Variants in RAPH1 observed in about 807,000 individuals in gnomAD.
The protein encoded by RAPH1 is Ras association (RalGDS/AF-6) and pleckstrin homology domains 1.
A neutral mutation model predicts 88.1 loss-of-function variants in RAPH1; 18 were observed. That is an observed-to-expected ratio of 0.20 (90% CI 0.14 to 0.30). The LOEUF (loss-of-function observed/expected upper bound fraction) is 0.30, where lower values mean the gene tolerates loss of function less well. Ranked by LOEUF, RAPH1 falls within the 10% of genes least tolerant of loss-of-function variation. RAPH1 has a pLI of 1.00. For synonymous variants in RAPH1, 587 were observed against 559.0 expected, an observed-to-expected ratio of 1.05 and a Z score of -0.71; for missense variants, 1,448 against 1,543.2, an observed-to-expected ratio of 0.94 and a Z score of 1.03.
In RAPH1 at chr2:203,495,290, G is replaced by T; in HGVS notation, c.64C>A (p.Gln22Lys). ...GCTCCAAACATTTTGTCCAGGTCCT[G>T]ATCTTCCTTGTCACTGTCTTCTTCA... The part of the protein sequence containing the change: ...GAEEDSDKED[Q>K]DLDKMFGAWL... The change falls in exon 2 of 14, where the codon CAG (glutamine) becomes AAG (lysine). Residue 22 changes from glutamine (Q) to lysine (K), a missense_variant. Gln to Lys is a moderately conservative substitution (Grantham distance 53, BLOSUM62 1). This residue lies in a region of RAPH1 where 513 missense variants were observed against 653.1 expected (regional missense o/e 0.79). Coordinates refer to ENST00000319170, the MANE Select transcript of RAPH1 (RefSeq NM_213589.3). 1 of 1,614,012 alleles carries T rather than the reference G, an allele frequency of 6.2e-7. No homozygotes were observed. Among genetic ancestry groups the T allele is most frequent in the Non-Finnish European group, 8.5e-7 (1 of 1,179,962 alleles).
chr2:203,479,167 T>C (rs565998366), intron 4 of RAPH1, among the ~76,000 whole-genome samples: 1 of 152,364 alleles, frequency 6.6e-6, no homozygotes, highest in Admixed American at 6.5e-5. Flanking sequence ...ATGAATTTCA[T>C]GAGTTCTTTG....
chr2:203,494,017 A>AAAAAAT (rs1581356790), intron 2 of RAPH1, among the ~76,000 whole-genome samples: 34 of 129,882 alleles, frequency 2.6e-4, no homozygotes, highest in East Asian at 8.8e-4. Flanking sequence ...AAAAAAAAAA[A>AAAAAAT]TCCCCCCAAA....
intron 4 of RAPH1, chr2:203,477,216 A>C: frequency 3.3e-6 from 4 of 1,215,872 alleles, no homozygotes; most frequent in Non-Finnish European, 4.9e-6. Flanking sequence ...GGCAGTTCTC[A>C]TTACCATGCA....
At chr2:203,494,731 C>T (rs887570735) in intron 2 of RAPH1, among the ~76,000 whole-genome samples, 53 of 151,172 alleles carry the variant, frequency 3.5e-4, no homozygotes, top group African/African-American at 1.2e-3. Flanking sequence ...ATGGCGTGAA[C>T]CCCGGAGACG....
At chr2:203,517,191 C>A (rs973549958) in intron 1 of RAPH1, among the ~76,000 whole-genome samples, 29 of 151,526 alleles carry the variant, frequency 1.9e-4, no homozygotes, top group Admixed American at 7.9e-4. Context: ...TAACACTAAT[C>A]AAAAGAAAGC....
At chr2:203,450,777 G>A (rs1018378761) in intron 10 of RAPH1, among the ~76,000 whole-genome samples, 13 of 152,168 alleles carry the variant, frequency 8.5e-5, no homozygotes, top group Non-Finnish European at 1.5e-4. Flanking sequence ...TAGATGGCTC[G>A]CAACTGTATC....
intron 4 of RAPH1, among the ~76,000 whole-genome samples, chr2:203,484,961 T>G (rs763722231): frequency 6.6e-6 from 1 of 152,110 alleles, no homozygotes; most frequent in African/African-American, 2.4e-5. Flanking sequence ...AATAGCTCAT[T>G]GTAAGGGAAA....
At chr2:203,447,793 C>G in intron 12 of RAPH1, 166 bp downstream of exon 12, 1 of 602,214 alleles carries the variant, frequency 1.7e-6, no homozygotes, top group South Asian at 2.5e-5. Flanking sequence ...GCCCATGATA[C>G]TGTACCCTCT....
At chr2:203,521,567 C>T (rs1426193933) in intron 1 of RAPH1, among the ~76,000 whole-genome samples, 7 of 152,006 alleles carry the variant, frequency 4.6e-5, no homozygotes, top group Admixed American at 4.6e-4. Flanking sequence ...TAACAATTGG[C>T]TACTACTGGT....
At chr2:203,445,073 G>GT in intron 12 of RAPH1, 63 bp from the exon 13 acceptor site, 1 of 1,453,982 alleles carries the variant, frequency 6.9e-7, no homozygotes, top group Non-Finnish European at 9.5e-7. Context: ...ATATTCATAT[G>GT]TATGTCTAGT....
chr2:203,498,911 T>C (rs1688623804), intron 1 of RAPH1, among the ~76,000 whole-genome samples: 3 of 151,630 alleles, frequency 2.0e-5, no homozygotes, highest in African/African-American at 7.2e-5. Context: ...CTGTACCTTT[T>C]CTAGGTTTAG....
At chr2:203,509,370 T>TA (rs1689234320) in intron 1 of RAPH1, among the ~76,000 whole-genome samples, 1 of 152,100 alleles carries the variant, frequency 6.6e-6, no homozygotes, top group Non-Finnish European at 1.5e-5. Context: ...CCTAAAAAAA[T>TA]AAGTAATTTT....
chr2:203,450,983 G>A (rs981118302), intron 10 of RAPH1, among the ~76,000 whole-genome samples: 2 of 151,766 alleles, frequency 1.3e-5, no homozygotes, highest in African/African-American at 4.8e-5. Context: ...TCTCTAACCT[G>A]GGAATACAGA....
rs979535962 is a variant in RAPH1 at position 203,435,627 on chromosome 2, A to T, written c.*3810T>A. 1 of 152,214 alleles carries T rather than the reference A, an allele frequency of 6.6e-6. No individual in the cohort carries two copies. The highest frequency in any genetic ancestry group is 2.4e-5 in the African/African-American group (1 of 41,454). The allele number at this position is 152,214 out of a possible 1,614,324, so 9.4% of individuals were successfully genotyped here. On this transcript the variant is annotated 3_prime_UTR_variant, in exon 14 of 14. Transcript: ENST00000319170. Reference sequence around the variant, plus strand: ...ACCCAATTATACCTATTTTATGAAAAGCAAGGCATCACATTGATAACCATA... The same window carrying T: ...ACCCAATTATACCTATTTTATGAAATGCAAGGCATCACATTGATAACCATA...
At position 203,439,579 on chromosome 2, in the gene RAPH1, G is replaced by T. The variant is rs1204016896; in HGVS notation, c.3611C>A (p.Pro1204Gln). Residue 1204 changes from proline (P) to glutamine (Q), a missense_variant, in exon 14 of 14, where the codon CCA (proline) becomes CAA (glutamine). Physicochemically the swap from Pro to Gln is moderately conservative, Grantham distance 76 (BLOSUM62 -1). Around this residue, in one of 2 missense-constraint regions of RAPH1, gnomAD observed 935 missense variants for 890.1 expected, o/e 1.05. Coordinates refer to ENST00000319170, the MANE Select transcript of RAPH1 (RefSeq NM_213589.3). Reference protein sequence around the residue: ...TATMDDMALPPPPPELLSDQQ... With the variant: ...TATMDDMALPQPPPELLSDQQ... The stretch of plus-strand genomic sequence containing the variant: ...ATCAGACAGCAGTTCAGGGGGTGGT[G>T]GAGGCAATGCCATATCATCCATGGT... 11 of 1,614,124 alleles carry T rather than the reference G, an allele frequency of 6.8e-6. No individual in the cohort carries two copies. The highest frequency in any genetic ancestry group is 9.3e-6 in the Non-Finnish European group (11 of 1,180,022).
At chr2:203,525,307 T>G (rs1690065347) in intron 1 of RAPH1, among the ~76,000 whole-genome samples, 1 of 152,170 alleles carries the variant, frequency 6.6e-6, no homozygotes, top group African/African-American at 2.4e-5. Flanking sequence ...TGTGTCAGTT[T>G]CCAGAGTAGC....
chr2:203,510,831 G>C (rs971400971), intron 1 of RAPH1, among the ~76,000 whole-genome samples: 1 of 152,150 alleles, frequency 6.6e-6, no homozygotes, highest in African/African-American at 2.4e-5. Context: ...GGGTGAGGCA[G>C]GAGGATTGCT....
At chr2:203,453,220 G>A (rs576258507) in intron 10 of RAPH1, among the ~76,000 whole-genome samples, 4 of 152,174 alleles carry the variant, frequency 2.6e-5, no homozygotes, top group African/African-American at 9.6e-5. Context: ...TGATACAGTG[G>A]TGTTCCCCAA....
At chr2:203,531,815 G>A (rs1690403265) in intron 1 of RAPH1, among the ~76,000 whole-genome samples, 1 of 152,232 alleles carries the variant, frequency 6.6e-6, no homozygotes, top group African/African-American at 2.4e-5. Flanking sequence ...TGCAGCTGCT[G>A]TGGAATGCAA....
Sources: gnomAD v4.1 joint callset for allele counts (sites outside exome capture counted in the v4.1 genomes callset) on GRCh38, gnomAD v4.1.1 for gene constraint, gnomAD v4.1.1 regional missense constraint, MANE v1.5 for transcripts, NCBI Gene and HGNC (gene_info 2026-07-23, HGNC 2026-07-21) for gene names.